The following ADAMTSL1 variants were observed in gnomAD, a reference collection of about 807,000 sequenced individuals.
ADAMTSL1 encodes the protein ADAMTS-like protein 1.
A neutral mutation model predicts 201.8 loss-of-function variants in ADAMTSL1; 126 were observed. That is an observed-to-expected ratio of 0.62 (90% CI 0.54 to 0.72). ADAMTSL1 has a LOEUF of 0.72. ADAMTSL1 is among the 30% of genes least tolerant of loss of function. The pLI, the probability that ADAMTSL1 is intolerant of heterozygous loss-of-function variation, is 0.00. For synonymous variants in ADAMTSL1, 1,121 were observed against 903.4 expected, an observed-to-expected ratio of 1.24 and a Z score of -4.32; for missense variants, 2,679 against 2,277.8, an observed-to-expected ratio of 1.18 and a Z score of -3.59.
intron 4 of ADAMTSL1, among the ~76,000 whole-genome samples, chr9:18,594,184 T>A (rs1824108026): frequency 6.6e-6 from 1 of 152,172 alleles, no homozygotes. Context: ...TGAGCGTATT[T>A]TCCCACTCCT....
chr9:17,921,742 C>T (rs1242270432), intron 1 of ADAMTSL1, among the ~76,000 whole-genome samples: 1 of 151,334 alleles, frequency 6.6e-6, no homozygotes, highest in African/African-American at 2.5e-5. Flanking sequence ...TTTAGTGACC[C>T]TTTCTGCAAG....
At chr9:18,151,338 C>T (rs989646077) in intron 1 of ADAMTSL1, among the ~76,000 whole-genome samples, 19 of 151,896 alleles carry the variant, frequency 1.3e-4, no homozygotes, top group Non-Finnish European at 2.2e-4. Context: ...GGGAAGTAAC[C>T]GTGGAAATAC....
upstream of ADAMTSL1, among the ~76,000 whole-genome samples, chr9:18,469,583 G>C (rs1416028020): frequency 1.3e-5 from 2 of 152,220 alleles, no homozygotes. Flanking sequence ...CAGCCAGGAA[G>C]TCATCTGCTG....
At chr9:18,833,430 T>C (rs530350008) in intron 23 of ADAMTSL1, among the ~76,000 whole-genome samples, 162 of 152,360 alleles carry the variant, frequency 1.1e-3, no homozygotes, top group African/African-American at 3.7e-3. Flanking sequence ...TCATTGTGGT[T>C]TTGATTTGCG....
chr9:18,686,901 G>T (rs796821035), intron 13 of ADAMTSL1, among the ~76,000 whole-genome samples: 2 of 152,122 alleles, frequency 1.3e-5, no homozygotes. Context: ...GATGCATTAC[G>T]TTTAACTTTA....
chr9:18,392,805 G>C (rs1838105908), intron 2 of ADAMTSL1, among the ~76,000 whole-genome samples: 2 of 152,190 alleles, frequency 1.3e-5, no homozygotes, highest in Non-Finnish European at 2.9e-5. Flanking sequence ...GCCAGAGTGA[G>C]AAATATCAGC....
intron 1 of ADAMTSL1, among the ~76,000 whole-genome samples, chr9:17,919,843 T>C (rs1826237947): frequency 6.6e-6 from 1 of 152,000 alleles, no homozygotes; most frequent in African/African-American, 2.4e-5. Context: ...TACCTAGGAG[T>C]GTAATTGCTA....
intron 1 of ADAMTSL1, among the ~76,000 whole-genome samples, chr9:17,968,000 A>G (rs1173754072): frequency 6.6e-6 from 1 of 152,160 alleles, no homozygotes; most frequent in Non-Finnish European, 1.5e-5. Flanking sequence ...ATACAACCAG[A>G]GAGCACGTTG....
At chr9:18,007,384 T>A (rs1819870969) in intron 1 of ADAMTSL1, among the ~76,000 whole-genome samples, 1 of 152,170 alleles carries the variant, frequency 6.6e-6, no homozygotes, top group East Asian at 1.9e-4. Context: ...TTACAGTTAT[T>A]AACTTAGAAA....
chr9:18,622,441 T>C (rs1306830565), intron 5 of ADAMTSL1, 72 bp downstream of exon 5: 12 of 1,601,790 alleles, frequency 7.5e-6, no homozygotes, highest in Admixed American at 1.7e-5. Flanking sequence ...CTGGCCCCAC[T>C]AAACAGCCAG....
intron 2 of ADAMTSL1, among the ~76,000 whole-genome samples, chr9:18,356,269 G>A (rs1401043666): frequency 6.6e-6 from 1 of 152,156 alleles, no homozygotes; most frequent in Non-Finnish European, 1.5e-5. Flanking sequence ...TTGGCTTGCA[G>A]GTTTCATCCA....
intron 1 of ADAMTSL1, among the ~76,000 whole-genome samples, chr9:18,476,560 G>T (rs2131779757): frequency 6.6e-6 from 1 of 152,272 alleles, no homozygotes; most frequent in South Asian, 2.1e-4. Flanking sequence ...TTAAGAGATT[G>T]TGACCTTTAG....
At chr9:18,026,417 A>G (rs1820697971) in intron 1 of ADAMTSL1, among the ~76,000 whole-genome samples, 1 of 151,980 alleles carries the variant, frequency 6.6e-6, no homozygotes, top group Admixed American at 6.6e-5. Context: ...TACTTGTTGA[A>G]GGATACTGGA....
chr9:18,467,591 G>A (rs1478889733), intron 2 of ADAMTSL1, among the ~76,000 whole-genome samples: 1 of 152,130 alleles, frequency 6.6e-6, no homozygotes, highest in Non-Finnish European at 1.5e-5. Flanking sequence ...TTAAAAAATT[G>A]CAGTTAGCAG....
At chr9:18,585,535 A>G (rs556980542) in intron 4 of ADAMTSL1, among the ~76,000 whole-genome samples, 2 of 152,290 alleles carry the variant, frequency 1.3e-5, no homozygotes, top group Admixed American at 1.3e-4. Context: ...AGAAAGTCAT[A>G]CAACTGGAAA....
intron 23 of ADAMTSL1, among the ~76,000 whole-genome samples, chr9:18,867,088 A>G (rs1827579561): frequency 6.6e-6 from 1 of 152,218 alleles, no homozygotes; most frequent in Non-Finnish European, 1.5e-5. Context: ...CTATTCCAAG[A>G]AACTATGTAC....
chr9:18,051,309 A>C (rs753092151), intron 1 of ADAMTSL1, among the ~76,000 whole-genome samples: 1 of 152,110 alleles, frequency 6.6e-6, no homozygotes, highest in Non-Finnish European at 1.5e-5. Context: ...TCAAAAAAAA[A>C]ATTATATATA....
chr9:18,423,458 A>G (rs1011120331), intron 2 of ADAMTSL1, among the ~76,000 whole-genome samples: 21 of 152,308 alleles, frequency 1.4e-4, no homozygotes, highest in Admixed American at 7.2e-4. Flanking sequence ...AAACATATGT[A>G]CTCAGTCTCT....
At chr9:18,195,944 G>C (rs926330043) in intron 2 of ADAMTSL1, among the ~76,000 whole-genome samples, 21 of 152,050 alleles carry the variant, frequency 1.4e-4, no homozygotes, top group Non-Finnish European at 2.4e-4. Context: ...TTCACGTCCT[G>C]TGAAAAGTTA....
Sources: allele counts gnomAD v4.1 joint callset (sites outside exome capture counted in the v4.1 genomes callset), GRCh38; gene constraint gnomAD v4.1.1; transcripts MANE v1.5; gene names NCBI Gene and HGNC (gene_info 2026-07-23, HGNC 2026-07-21).